The following SFXN5 variants were observed in gnomAD, a reference collection of about 807,000 sequenced individuals.
SFXN5 encodes sideroflexin 5.
A neutral mutation model predicts 50.2 loss-of-function variants in SFXN5; 43 were observed. The ratio of observed to expected loss-of-function variants is 0.86; its 90% CI spans 0.67 to 1.11. The LOEUF is 1.11. Among genes scored for constraint, SFXN5 ranks in the 50% least tolerant of loss-of-function variants. SFXN5 has a pLI of 0.00. For missense variants in SFXN5, 463 were observed against 454.1 expected, an observed-to-expected ratio of 1.02 and a Z score of -0.18; for synonymous variants, 203 against 185.8, an observed-to-expected ratio of 1.09 and a Z score of -0.75.
At position 72,999,125 on chromosome 2, in the gene SFXN5, T is replaced by A. The variant is rs1282385070; in HGVS notation, c.469-111A>T. On this transcript the variant is annotated intron_variant, in intron 8 of 13. Coordinates refer to ENST00000272433, the MANE Select transcript of SFXN5 (RefSeq NM_144579.3). ...GCATCCTGCCCACCAGCCTGGAAAG[T>A]GGGTAGAAGGAAGAGGCCCCTCAGG... is the stretch of plus-strand genomic sequence containing the variant. 3.4e-6 allele frequency: 4 copies of A among 1,183,046 alleles called. No individual in the cohort carries two copies. The African/African-American group carries it at 4.5e-5, about 13-fold the overall frequency. The allele number at this position is 1,183,046 out of a possible 1,614,324, so 73.3% of individuals were successfully genotyped here.
rs1342161156 is a variant in SFXN5, at chr2:72,942,279, G to A, written c.*2743C>T. On this transcript the variant is annotated 3_prime_UTR_variant, in exon 14 of 14. Coordinates refer to ENST00000272433, the MANE Select transcript of SFXN5 (RefSeq NM_144579.3). ...CAGAGGCCAGAACACCAAAGAAGTCGGCTCATAACCAGGTGAAAGGGGTCC... is the reference window on the plus strand; with the variant it reads ...CAGAGGCCAGAACACCAAAGAAGTCAGCTCATAACCAGGTGAAAGGGGTCC... 1 of 152,196 alleles carries A rather than the reference G, an allele frequency of 6.6e-6. No individual in the cohort carries two copies. The highest frequency in any genetic ancestry group is 2.4e-5 in the African/African-American group (1 of 41,416). 9.4% of individuals were successfully genotyped at this position (152,196 alleles called of 1,614,324 possible). A position where few individuals can be genotyped will look rare whatever the true frequency, so the allele number is the denominator to read the frequency against.
At chr2:73,041,858 G>GC (rs1163346385) in intron 2 of SFXN5, among the ~76,000 whole-genome samples, 1 of 152,046 alleles carries the variant, frequency 6.6e-6, no homozygotes, top group Non-Finnish European at 1.5e-5. Flanking sequence ...ACACGCCACT[G>GC]CATCTGGCTA....
At chr2:72,959,047 C>T (rs891741133) in intron 13 of SFXN5, among the ~76,000 whole-genome samples, 4 of 152,158 alleles carry the variant, frequency 2.6e-5, no homozygotes, top group African/African-American at 4.8e-5. Flanking sequence ...CCAACAGCCC[C>T]GGCCTCTTGT....
At chr2:73,025,797 T>C (rs920014391) in intron 3 of SFXN5, among the ~76,000 whole-genome samples, 7 of 151,890 alleles carry the variant, frequency 4.6e-5, no homozygotes, top group Admixed American at 6.5e-5. Context: ...GGGAGAGACG[T>C]TGAAAATGTC....
intron 1 of SFXN5, among the ~76,000 whole-genome samples, chr2:73,061,580 G>A (rs563465304): frequency 8.9e-4 from 135 of 152,214 alleles, no homozygotes; most frequent in Middle Eastern, 6.9e-3. Flanking sequence ...GGCAAATAGC[G>A]AAGTTTTCCT....
In SFXN5 at chr2:72,942,620, G is replaced by A. The variant is rs564398660; in HGVS notation, c.*2402C>T. Reference sequence around the variant, plus strand: ...TGCTGGGTGAAGGTTTCCCCTCACAGGTCTTTCCAAAGCCAGACCAGGGCC... The same window carrying A: ...TGCTGGGTGAAGGTTTCCCCTCACAAGTCTTTCCAAAGCCAGACCAGGGCC... On this transcript the variant is annotated 3_prime_UTR_variant, in exon 14 of 14. Transcript: ENST00000272433. 1 of 152,448 alleles carries A rather than the reference G, an allele frequency of 6.6e-6. No individual in the cohort carries two copies. The highest frequency in any genetic ancestry group is 6.5e-5 in the Admixed American group (1 of 15,310). 9.4% of individuals were successfully genotyped at this position (152,448 alleles called of 1,614,324 possible).
intron 13 of SFXN5, among the ~76,000 whole-genome samples, chr2:72,951,469 TG>T: frequency 6.6e-6 from 1 of 152,088 alleles, no homozygotes; most frequent in Non-Finnish European, 1.5e-5. Flanking sequence ...TCACTGTGGG[TG>T]GGGGGCTAGA....
intron 9 of SFXN5, among the ~76,000 whole-genome samples, chr2:72,993,155 C>T (rs976583925): frequency 6.6e-6 from 1 of 152,124 alleles, no homozygotes; most frequent in Non-Finnish European, 1.5e-5. Context: ...GAGGGCCCCT[C>T]TTGGGTGGTA....
intron 10 of SFXN5, among the ~76,000 whole-genome samples, chr2:72,978,973 G>A (rs193186139): frequency 6.6e-6 from 1 of 152,296 alleles, no homozygotes; most frequent in African/African-American, 2.4e-5. Context: ...CAACCTAAAT[G>A]TCCCCAATTA....
Position 72,988,333 on chromosome 2 carries a change from G to A in SFXN5, c.550C>T (p.Leu184=). 6.2e-7 allele frequency: 1 copy of A among 1,613,828 alleles called. No homozygotes were observed. Among genetic ancestry groups the A allele is most frequent in the Non-Finnish European group, 8.5e-7 (1 of 1,179,814 alleles). ...AVSIAVGLNV[L]VQKANKFTPA... ...GTGAACTTGTTGGCTTTCTGAACCA[G>A]GACATTAAGGCCCACCTTTGAAAGA... Residue 184 remains leucine, a synonymous_variant, in exon 10 of 14, where the codon CTG becomes TTG. Transcript: ENST00000272433.
chr2:73,050,386 G>GCGCA (rs1681096788), intron 2 of SFXN5, among the ~76,000 whole-genome samples: 1 of 27,522 alleles, frequency 3.6e-5, no homozygotes. Flanking sequence ...CGCAGCCACA[G>GCGCA]CGCACGCACA....
intron 13 of SFXN5, among the ~76,000 whole-genome samples, chr2:72,949,282 C>T (rs1257353167): frequency 6.6e-6 from 1 of 151,994 alleles, no homozygotes; most frequent in African/African-American, 2.4e-5. Context: ...AATAGGGAGC[C>T]ACAGAAGGAC....
intron 13 of SFXN5, among the ~76,000 whole-genome samples, chr2:72,949,375 GTGCAGTAGTGTGAC>G (rs1209525240): frequency 9.8e-5 from 15 of 152,330 alleles, no homozygotes; most frequent in African/African-American, 3.4e-4. Context: ...CCAGGCTGGA[GTGCAGTAGTGTGAC>G]TGCAGCTCAC....
At chr2:73,032,199 G>A (rs1444977551) in intron 3 of SFXN5, among the ~76,000 whole-genome samples, 1 of 152,140 alleles carries the variant, frequency 6.6e-6, no homozygotes, top group Admixed American at 6.5e-5. Context: ...GGACATCCTA[G>A]GATATCAAGA....
chr2:72,947,461 T>C (rs1032751948), intron 13 of SFXN5, among the ~76,000 whole-genome samples: 2 of 152,242 alleles, frequency 1.3e-5, no homozygotes, highest in Non-Finnish European at 1.5e-5. Context: ...ACATTTGCCC[T>C]GGACAGAGTC....
In SFXN5 at chr2:72,983,862, CT is replaced by C. The variant is rs565550095; in HGVS notation, c.625+4395del. Among the ~76,000 whole-genome samples, 15 of 152,266 alleles carry C rather than the reference CT, an allele frequency of 9.9e-5. No individual in the cohort carries two copies. In the East Asian group the frequency reaches 2.9e-3, roughly 29 times the overall value. On this transcript the variant is annotated intron_variant, in intron 10 of 13. Coordinates refer to ENST00000272433, the MANE Select transcript of SFXN5 (RefSeq NM_144579.3). ...GAGAAGCCTGTGGGGCCGGCAACCCCTGGAACAGACTCTGCTCACAGAGACT... is the reference window on the plus strand; with the variant it reads ...GAGAAGCCTGTGGGGCCGGCAACCCCGGAACAGACTCTGCTCACAGAGACT...
In SFXN5 at chr2:72,950,181, G is replaced by A. The variant is rs1672381266; in HGVS notation, c.946-5082C>T. Among the ~76,000 whole-genome samples, 1 of 152,188 alleles carries A rather than the reference G, an allele frequency of 6.6e-6. No homozygotes were observed. Among genetic ancestry groups the A allele is most frequent in the Non-Finnish European group, 1.5e-5 (1 of 68,030 alleles). Reference sequence around the variant, plus strand: ...AAGGGCAAGCGGAGGGAACAAGCCTGTGATGGTGGCCTTGGGGGACCAGCC... The same window carrying A: ...AAGGGCAAGCGGAGGGAACAAGCCTATGATGGTGGCCTTGGGGGACCAGCC... On this transcript the variant is annotated intron_variant, in intron 13 of 13. Transcript: ENST00000272433. The surrounding 1 kb of genome is among the most constrained non-coding windows in gnomAD (Gnocchi z 4.2).
Position 72,992,062 on chromosome 2 carries a change from A to G in SFXN5, c.535-3714T>C, listed in dbSNP as rs1345848343. On this transcript the variant is annotated intron_variant, in intron 9 of 13. Coordinates refer to ENST00000272433, the MANE Select transcript of SFXN5 (RefSeq NM_144579.3). This position sits in a 1 kb window ranked among gnomAD's most constrained non-coding sequence, Gnocchi z 4.5. ...AGCAGACAGGGCTTCTTGGAAAACC[A>G]GGGCTCAGGCCCCACAGGACATCAG... Among the ~76,000 whole-genome samples the G allele has an allele frequency of 1.3e-5, 2 of 152,242 alleles. No individual in the cohort carries two copies. The highest frequency in any genetic ancestry group is 6.5e-5 in the Admixed American group (1 of 15,286).
At chr2:72,997,459 T>A (rs1673384267) in intron 9 of SFXN5, 1 of 152,250 alleles carries the variant, frequency 6.6e-6, no homozygotes, top group Non-Finnish European at 1.5e-5. Flanking sequence ...GATCTTGCTA[T>A]GCTGCCCAAC....
Sources: gnomAD v4.1 joint callset for allele counts (sites outside exome capture counted in the v4.1 genomes callset) on GRCh38, gnomAD v4.1.1 for gene constraint, Gnocchi (gnomAD v3.1) non-coding constraint, MANE v1.5 for transcripts, NCBI Gene and HGNC (gene_info 2026-07-23, HGNC 2026-07-21) for gene names.